The following MTFR2 variants were observed in gnomAD, a reference collection of about 807,000 sequenced individuals.
MTFR2 encodes the protein mitochondrial fission regulator 2.
A neutral mutation model predicts 41.2 loss-of-function variants in MTFR2; 44 were observed. The ratio of observed to expected loss-of-function variants is 1.07; its 90% CI spans 0.84 to 1.37. The LOEUF (loss-of-function observed/expected upper bound fraction) is 1.37, where lower values mean the gene tolerates loss of function less well. Among genes scored for constraint, MTFR2 ranks in the 40% most tolerant of loss-of-function variants. MTFR2 has a pLI of 0.00. For missense variants in MTFR2, 452 were observed against 459.5 expected (o/e 0.98, Z 0.15); for synonymous variants, 141 against 154.6 (o/e 0.91, Z 0.65).
chr6:136,239,457 A>G lies in MTFR2; in HGVS notation c.869+9T>C. The G allele has an allele frequency of 1.3e-6, 2 of 1,562,602 alleles. No individual in the cohort carries two copies. Among genetic ancestry groups the G allele is most frequent in the Non-Finnish European group, 1.7e-6 (2 of 1,151,490 alleles). On this transcript the variant is annotated intron_variant, in intron 6 of 7. Transcript: ENST00000420702. The stretch of plus-strand genomic sequence containing the variant: ...ATTTCAGTTCACTTTTCAAATTACA[A>G]CAACATACCGCTCAATTGCACGAAG...
In MTFR2 at chr6:136,239,811, C is replaced by T. The variant is rs1462467919; in HGVS notation, c.524G>A (p.Gly175Asp). Residue 175 changes from glycine (G) to aspartate (D), a missense_variant, in exon 6 of 8, where the codon GGC becomes GAC. By Grantham distance (94) the Gly-to-Asp change is moderately conservative. Transcript: ENST00000420702. ...LKNSTNSSSFGLSDERISLGQ... is the reference protein window; with the variant it reads ...LKNSTNSSSFDLSDERISLGQ... Reference sequence around the variant, plus strand: ...CAAACTAATGCGCTCGTCACTCAAGCCAAAGGAACCTACAAACAAAGTGGT... The same window carrying T: ...CAAACTAATGCGCTCGTCACTCAAGTCAAAGGAACCTACAAACAAAGTGGT... 2.5e-6 allele frequency: 4 copies of T among 1,600,554 alleles called. No individual in the cohort carries two copies. The Admixed American group carries it at 6.9e-5, about 28-fold the overall frequency.
chr6:136,244,284 G>A (rs990765882), intron 3 of MTFR2, among the ~76,000 whole-genome samples: 2 of 152,144 alleles, frequency 1.3e-5, no homozygotes, highest in Non-Finnish European at 2.9e-5. Flanking sequence ...TTCATGGTAG[G>A]TGCCCTATAC....
chr6:136,242,906 A>G lies in MTFR2; in HGVS notation c.236T>C (p.Ile79Thr), dbSNP rs746204271. ...CGSMVPSFAD[I>T]LYVANDEEAS... The stretch of plus-strand genomic sequence containing the variant: ...TTCTTCATCATTTGCCACATACAAA[A>G]TATCAGCAAAAGATGGAACCATAGA... Residue 79 changes from isoleucine to threonine, a missense_variant, in exon 4 of 8, where the codon ATT (isoleucine) becomes ACT (threonine). By Grantham distance (89) the Ile-to-Thr change is moderately conservative. Transcript: ENST00000420702. 4.3e-6 allele frequency: 7 copies of G among 1,613,424 alleles called. No individual in the cohort carries two copies. The highest frequency in any genetic ancestry group is 4.5e-5 in the East Asian group (2 of 44,856).
At chr6:136,241,102 A>C in intron 5 of MTFR2, among the ~76,000 whole-genome samples, 1 of 152,154 alleles carries the variant, frequency 6.6e-6, no homozygotes, top group East Asian at 1.9e-4. Context: ...AAAAAAAAAA[A>C]AAAAAGCTTA....
intron 5 of MTFR2, among the ~76,000 whole-genome samples, chr6:136,240,202 A>T (rs1780018934): frequency 6.6e-6 from 1 of 152,232 alleles, no homozygotes; most frequent in Non-Finnish European, 1.5e-5. Flanking sequence ...CTGTATAATG[A>T]CATTGGAGAA....
rs542583225 is a variant in MTFR2, at chr6:136,238,714, C to T, written c.869+752G>A. 3.7e-4 allele frequency among the ~76,000 whole-genome samples: 56 copies of T among 150,198 alleles called. 2 individuals carry two copies. In the South Asian group the frequency reaches 7.6e-3, roughly 20 times the overall value. The stretch of plus-strand genomic sequence containing the variant: ...CACACACACACACACACACATGGAA[C>T]TCAGAGAGGCAATTATTAACTCTAA... On this transcript the variant is annotated intron_variant, in intron 6 of 7. Coordinates refer to ENST00000420702, the MANE Select transcript of MTFR2 (RefSeq NM_001099286.3).
intron 3 of MTFR2, among the ~76,000 whole-genome samples, chr6:136,244,447 T>C (rs1221505642): frequency 6.6e-6 from 1 of 152,240 alleles, no homozygotes; most frequent in Non-Finnish European, 1.5e-5. Flanking sequence ...CAACAGGTCA[T>C]ACCATATAGC....
intron 7 of MTFR2, 164 bp downstream of exon 7, chr6:136,233,161 A>G (rs1779810494): frequency 2.0e-6 from 1 of 509,420 alleles, no homozygotes; most frequent in Non-Finnish European, 3.4e-6. Flanking sequence ...AAATGAGCAT[A>G]TAAAATTAAC....
In MTFR2 at chr6:136,233,388, A is replaced by T. The variant is rs1779817295; in HGVS notation, c.981T>A (p.Asp327Glu). 1.2e-6 allele frequency: 2 copies of T among 1,612,298 alleles called. No homozygotes were observed. Among genetic ancestry groups the T allele is most frequent in the Non-Finnish European group, 1.7e-6 (2 of 1,178,926 alleles). ...AAGATCTATTCTCTTTCTCAAAAGA[A>T]TCATCTTCTTGAAATGCAAATTTCT... ...LKQKFAFQED[D>E]SFEKENRSWE... The change falls in exon 7 of 8, where the codon GAT (aspartate) becomes GAA (glutamate). Residue 327 changes from aspartate (D) to glutamate (E), a missense_variant. Asp to Glu is a conservative substitution (Grantham distance 45). Transcript: ENST00000420702.
Position 136,241,573 on chromosome 6 carries a change from TCA to T in MTFR2, c.383_384del (p.Val128GlufsTer3), listed in dbSNP as rs763133075. On this transcript the variant is annotated frameshift_variant, in exon 5 of 8. Transcript: ENST00000420702. LOFTEE classifies it high-confidence loss of function. ...LSPAVRQKET[V>X]KNDLPVNEAA... ...GCTTCATTTACAGGCAGGTCATTTT[TCA>T]CAGTTTCTTTCTGTCTTACAGCAGG... 9.9e-6 allele frequency: 16 copies of T among 1,614,218 alleles called. No homozygotes were observed. The highest frequency in any genetic ancestry group is 3.3e-4 in the Middle Eastern group (2 of 6,062).
At chr6:136,243,640 G>C (rs1172818222) in intron 3 of MTFR2, among the ~76,000 whole-genome samples, 1 of 151,872 alleles carries the variant, frequency 6.6e-6, no homozygotes, top group Non-Finnish European at 1.5e-5. Context: ...TTGAGCCCAG[G>C]AGGTTGAGGC....
intron 2 of MTFR2, among the ~76,000 whole-genome samples, chr6:136,248,412 T>C (rs560444554): frequency 3.7e-4 from 56 of 152,294 alleles, no homozygotes; most frequent in African/African-American, 1.3e-3. Context: ...CATACTATGC[T>C]CGTGGTAGTG....
At position 136,249,124 on chromosome 6, in the gene MTFR2, T is replaced by G; in HGVS notation, c.-25A>C. On this transcript the variant is annotated 5_prime_UTR_variant, in exon 2 of 8. Transcript: ENST00000420702. ...TTGATGAAGCAAATACAGAAGCCAA[T>G]TCAAAGGAACATTATCAGTTTCTTG... 6.4e-7 allele frequency: 1 copy of G among 1,556,150 alleles called. No homozygotes were observed. Among genetic ancestry groups the G allele is most frequent in the Non-Finnish European group, 8.6e-7 (1 of 1,159,782 alleles).
chr6:136,231,198 G>T lies in MTFR2; in HGVS notation c.*77C>A. On this transcript the variant is annotated 3_prime_UTR_variant, in exon 8 of 8. Transcript: ENST00000420702. Reference sequence around the variant, plus strand: ...ATACATCTACTTTTAGCCTTTAACAGTCCAAATCAGTTTCTAAGAATAATT... The same window carrying T: ...ATACATCTACTTTTAGCCTTTAACATTCCAAATCAGTTTCTAAGAATAATT... 4 of 978,606 alleles carry T rather than the reference G, an allele frequency of 4.1e-6. No individual in the cohort carries two copies. The highest frequency in any genetic ancestry group is 3.1e-6 in the Non-Finnish European group (2 of 636,880). The allele number at this position is 978,606 out of a possible 1,614,324, so 60.6% of individuals were successfully genotyped here.
intron 6 of MTFR2, among the ~76,000 whole-genome samples, 160 bp downstream of exon 6, chr6:136,239,306 T>C (rs73779616): frequency 0.011 from 1,691 of 152,106 alleles, 19 homozygotes; most frequent in East Asian, 0.038. Flanking sequence ...GAAGAAGAAA[T>C]AGTCAAAAAT....
chr6:136,242,719 CTTCT>C, intron 4 of MTFR2, 138 bp downstream of exon 4: 2 of 550,020 alleles, frequency 3.6e-6, no homozygotes, highest in Non-Finnish European at 6.1e-6. Context: ...AGCAGCCAGT[CTTCT>C]TTATTAAGAA....
At chr6:136,237,700 C>T (rs1165208400) in intron 6 of MTFR2, among the ~76,000 whole-genome samples, 1 of 151,930 alleles carries the variant, frequency 6.6e-6, no homozygotes, top group African/African-American at 2.4e-5. Flanking sequence ...ATCCCAGCTA[C>T]TCGGGAGGCT....
intron 7 of MTFR2, among the ~76,000 whole-genome samples, chr6:136,232,431 G>T (rs555879238): frequency 6.6e-6 from 1 of 151,986 alleles, no homozygotes; most frequent in Non-Finnish European, 1.5e-5. Flanking sequence ...GCTAATTTTC[G>T]TATTTTTAGT....
At chr6:136,245,956 T>C (rs766753885) in intron 2 of MTFR2, among the ~76,000 whole-genome samples, 25 of 152,218 alleles carry the variant, frequency 1.6e-4, no homozygotes, top group Non-Finnish European at 3.4e-4. Flanking sequence ...CCAGTGGCTA[T>C]CATACTGGAT....
Sources: allele counts gnomAD v4.1 joint callset (sites outside exome capture counted in the v4.1 genomes callset), GRCh38; gene constraint gnomAD v4.1.1; transcripts MANE v1.5; gene names NCBI Gene and HGNC (gene_info 2026-07-23, HGNC 2026-07-21).